MTHFD1L: variants seen among roughly 807,000 people sequenced by gnomAD.
MTHFD1L encodes the protein monofunctional C1-tetrahydrofolate synthase, mitochondrial.
Under a neutral mutation model 119.5 loss-of-function variants are expected in MTHFD1L, and 81 were observed. That is an observed-to-expected ratio of 0.68 (90% CI 0.57 to 0.82). The LOEUF (loss-of-function observed/expected upper bound fraction) is 0.82. MTHFD1L is among the 40% of genes least tolerant of loss of function. MTHFD1L has a pLI of 0.00. For synonymous variants in MTHFD1L, 430 were observed against 475.2 expected (o/e 0.90, Z 1.24); for missense variants, 1,125 against 1,253.4 (o/e 0.90, Z 1.55).
In MTHFD1L at chr6:151,075,436, A is replaced by T. The variant is rs530258798; in HGVS notation, c.2848-17031A>T. On this transcript the variant is annotated intron_variant, in intron 26 of 27. Transcript: ENST00000367321. ...TTATGACAAAGGGGCCGTTTCACGA[A>T]CAGGACATAGCAGTTCTAAGTGTTT... 2.0e-5 allele frequency among the ~76,000 whole-genome samples: 3 copies of T among 152,280 alleles called. No homozygotes were observed. The South Asian group carries it at 6.2e-4, about 32-fold the overall frequency.
intron 11 of MTHFD1L, among the ~76,000 whole-genome samples, chr6:150,928,832 T>C (rs887707438): frequency 6.6e-6 from 1 of 152,100 alleles, no homozygotes; most frequent in Non-Finnish European, 1.5e-5. Context: ...GTGTGAGCCA[T>C]CATGCCCAGC....
chr6:150,876,182 G>T lies in MTHFD1L; in HGVS notation c.312+8G>T, dbSNP rs777974785. Reference sequence around the variant, plus strand: ...GTTCTTGCAATTATCCAGGTAAGCCGAGAACAAGGTTCAGTCCTACTATTT... The same window carrying T: ...GTTCTTGCAATTATCCAGGTAAGCCTAGAACAAGGTTCAGTCCTACTATTT... On this transcript the variant is annotated splice_region_variant and intron_variant, in intron 2 of 27. Transcript: ENST00000367321. 2.5e-6 allele frequency: 4 copies of T among 1,572,194 alleles called. No individual in the cohort carries two copies. Among genetic ancestry groups the T allele is most frequent in the Non-Finnish European group, 3.5e-6 (4 of 1,158,516 alleles).
chr6:150,914,088 C>G (rs1787435926), intron 8 of MTHFD1L, among the ~76,000 whole-genome samples: 1 of 152,160 alleles, frequency 6.6e-6, no homozygotes, highest in Non-Finnish European at 1.5e-5. Context: ...CAAGATCGCA[C>G]CACTGCACTC....
At chr6:150,927,120 T>G (rs1285419168) in intron 11 of MTHFD1L, among the ~76,000 whole-genome samples, 1 of 152,202 alleles carries the variant, frequency 6.6e-6, no homozygotes, top group Non-Finnish European at 1.5e-5. Flanking sequence ...TTTTTACGTA[T>G]TTAATTATTA....
At chr6:150,933,436 A>T (rs1224066186) in intron 11 of MTHFD1L, among the ~76,000 whole-genome samples, 2 of 152,030 alleles carry the variant, frequency 1.3e-5, no homozygotes, top group Non-Finnish European at 2.9e-5. Flanking sequence ...GAAAACAGAA[A>T]GTTGACTCCA....
At chr6:150,992,096 A>G (rs1354168709) in intron 20 of MTHFD1L, among the ~76,000 whole-genome samples, 1 of 152,166 alleles carries the variant, frequency 6.6e-6, no homozygotes. Context: ...CCCCCATCAG[A>G]TAAGTCATAC....
intron 15 of MTHFD1L, 53 bp downstream of exon 15, chr6:150,945,594 A>C (rs1313626901): frequency 1.3e-6 from 2 of 1,534,772 alleles, no homozygotes; most frequent in Non-Finnish European, 1.8e-6. Flanking sequence ...GAAACGCATC[A>C]GAAAGATTGT....
chr6:150,960,150 C>T, intron 17 of MTHFD1L, 125 bp from the exon 18 acceptor site: 2 of 1,269,074 alleles, frequency 1.6e-6, no homozygotes, highest in South Asian at 3.1e-5. Flanking sequence ...GGATTGCATG[C>T]ATGGCCTTTT....
intron 11 of MTHFD1L, among the ~76,000 whole-genome samples, chr6:150,932,816 GAGGA>G (rs60832992): frequency 0.027 from 3,243 of 119,508 alleles, 157 homozygotes; most frequent in African/African-American, 0.098. Context: ...GAGAGGGAGG[GAGGA>G]AGGAAGGAAG....
chr6:151,074,726 TCTGTTACAGC>T, intron 26 of MTHFD1L, among the ~76,000 whole-genome samples: 1 of 152,370 alleles, frequency 6.6e-6, no homozygotes, highest in Middle Eastern at 3.4e-3. Flanking sequence ...TACTTACCAT[TCTGTTACAGC>T]CACCTACTGT....
intron 8 of MTHFD1L, among the ~76,000 whole-genome samples, chr6:150,911,253 C>T (rs998766076): frequency 6.6e-6 from 1 of 152,082 alleles, no homozygotes; most frequent in African/African-American, 2.4e-5. Flanking sequence ...TAAGTTATTA[C>T]TAATAGCTTA....
intron 13 of MTHFD1L, among the ~76,000 whole-genome samples, chr6:150,939,594 C>T (rs1008061588): frequency 1.3e-5 from 2 of 152,074 alleles, no homozygotes; most frequent in East Asian, 1.9e-4. Context: ...CAGCACAGCA[C>T]AGGAGGTCCT....
intron 20 of MTHFD1L, among the ~76,000 whole-genome samples, chr6:150,974,734 T>A (rs1324492674): frequency 8.6e-5 from 13 of 151,718 alleles, no homozygotes; most frequent in African/African-American, 1.2e-4. Flanking sequence ...CTTTTTTTTT[T>A]TTTTTTTTTT....
At chr6:150,902,648 C>A (rs1407885674) in intron 7 of MTHFD1L, among the ~76,000 whole-genome samples, 1 of 152,138 alleles carries the variant, frequency 6.6e-6, no homozygotes, top group East Asian at 1.9e-4. Context: ...TGTGTTTTCT[C>A]TGTGGAATTA....
At chr6:151,091,238 A>G (rs1425675281) in intron 26 of MTHFD1L, among the ~76,000 whole-genome samples, 1 of 142,962 alleles carries the variant, frequency 7.0e-6, no homozygotes, top group Non-Finnish European at 1.6e-5. Flanking sequence ...GACTGGGTGC[A>G]GCATCGTTCC....
chr6:150,999,474 A>G (rs1011571287), intron 20 of MTHFD1L, among the ~76,000 whole-genome samples: 7 of 152,214 alleles, frequency 4.6e-5, no homozygotes, highest in African/African-American at 1.7e-4. Flanking sequence ...CAAGAGCAGA[A>G]GGCTTAAAGC....
At chr6:150,959,814 T>C (rs570424100) in intron 17 of MTHFD1L, among the ~76,000 whole-genome samples, 1 of 152,196 alleles carries the variant, frequency 6.6e-6, no homozygotes, top group South Asian at 2.1e-4. Context: ...TGATGCATAT[T>C]GTATGCCTAC....
intron 7 of MTHFD1L, among the ~76,000 whole-genome samples, chr6:150,903,076 T>A (rs890593654): frequency 2.0e-5 from 3 of 152,270 alleles, no homozygotes; most frequent in African/African-American, 7.2e-5. Context: ...ATGTTTAAAA[T>A]CCTCTTTCCA....
intron 26 of MTHFD1L, among the ~76,000 whole-genome samples, chr6:151,080,724 C>T (rs1272418331): frequency 6.6e-6 from 1 of 152,136 alleles, no homozygotes; most frequent in African/African-American, 2.4e-5. Flanking sequence ...GCGGGAAGTC[C>T]AAGATCAGGG....
Sources: allele counts gnomAD v4.1 joint callset (sites outside exome capture counted in the v4.1 genomes callset), GRCh38; gene constraint gnomAD v4.1.1; transcripts MANE v1.5; gene names NCBI Gene and HGNC (gene_info 2026-07-23, HGNC 2026-07-21).